MICAL3: variants seen among roughly 807,000 people sequenced by gnomAD.
MICAL3 encodes microtubule associated monooxygenase, calponin and LIM domain containing 3, also known as [F-actin]-monooxygenase MICAL3.
MICAL3 carries 62 observed loss-of-function variants against 207.4 expected under a neutral mutation model. That is an observed-to-expected ratio of 0.30 (90% CI 0.24 to 0.37). The LOEUF is 0.37. Ranked by LOEUF, MICAL3 falls within the 10% of genes least tolerant of loss-of-function variation. The pLI, the probability that MICAL3 is intolerant of heterozygous loss-of-function variation, is 1.00. For synonymous variants in MICAL3, 1,077 were observed against 1,069.3 expected, an observed-to-expected ratio of 1.01 and a Z score of -0.14; for missense variants, 2,368 against 2,635.6, an observed-to-expected ratio of 0.90 and a Z score of 2.22.
At position 17,821,439 on chromosome 22, in the gene MICAL3, G is replaced by T; in HGVS notation, c.3519C>A (p.Ser1173Arg). Residue 1173 changes from serine (S) to arginine (R), a missense_variant, in exon 25 of 32, where the codon AGC becomes AGA. This residue lies in a region of MICAL3 where 1,770 missense variants were observed against 1,863.2 expected (regional missense o/e 0.95). Coordinates refer to ENST00000441493, the MANE Select transcript of MICAL3 (RefSeq NM_015241.3). ...ESALLFIPVH[S>R]PSTEGPQLPP... is the part of the protein sequence containing the mutation. Reference sequence around the variant, plus strand: ...CCCAAACCCTTACCTCTGTTGAGGGGCTGTGGACTGGAATGAACAGAAGAG... The same window carrying T: ...CCCAAACCCTTACCTCTGTTGAGGGTCTGTGGACTGGAATGAACAGAAGAG... 1 of 1,544,252 alleles carries T rather than the reference G, an allele frequency of 6.5e-7. No homozygotes were observed. The highest frequency in any genetic ancestry group is 1.2e-5 in the South Asian group (1 of 83,270).
intron 19 of MICAL3, among the ~76,000 whole-genome samples, chr22:17,844,047 C>T (rs2542337): frequency 0.19 from 29,635 of 152,030 alleles, 2,979 homozygotes; most frequent in Middle Eastern, 0.27. Context: ...CGGGTTTCAC[C>T]ATGTTAGCCA....
chr22:17,865,044 A>T, intron 18 of MICAL3, 58 bp from the exon 19 acceptor site: 1 of 1,536,680 alleles, frequency 6.5e-7, no homozygotes, highest in South Asian at 1.2e-5. Flanking sequence ...CAAATCCTCA[A>T]ATCCCTAGAG....
intron 25 of MICAL3, among the ~76,000 whole-genome samples, chr22:17,820,292 C>T (rs1414963344): frequency 2.0e-5 from 3 of 152,176 alleles, no homozygotes; most frequent in Non-Finnish European, 2.9e-5. Flanking sequence ...GACCTGCTGT[C>T]ACAGTTGGCT....
chr22:17,818,972 A>G lies in MICAL3; in HGVS notation c.3689T>C (p.Leu1230Pro), dbSNP rs752732269. The stretch of plus-strand genomic sequence containing the variant: ...TGAGACAGGAGTCCTAGCTTCTGGC[A>G]GGGTCACTGGCTGTGATCGGATGGG... ...HSPIRSQPVT[L>P]PEARTPVSPG... Residue 1230 changes from leucine to proline, a missense_variant, in exon 26 of 32, where the codon CTG becomes CCG. Leu to Pro is a moderately conservative substitution (Grantham distance 98). Transcript: ENST00000441493. 6.2e-7 allele frequency: 1 copy of G among 1,607,706 alleles called. No individual in the cohort carries two copies. The highest frequency in any genetic ancestry group is 8.5e-7 in the Non-Finnish European group (1 of 1,177,164).
At chr22:17,843,852 A>ATATT (rs1924332820) in intron 19 of MICAL3, among the ~76,000 whole-genome samples, 1 of 148,800 alleles carries the variant, frequency 6.7e-6, no homozygotes, top group Non-Finnish European at 1.5e-5. Context: ...GTTACCAGAC[A>ATATT]TTTTTTTTTT....
intron 19 of MICAL3, among the ~76,000 whole-genome samples, chr22:17,849,765 G>C (rs892120928): frequency 6.9e-6 from 1 of 144,092 alleles, no homozygotes; most frequent in East Asian, 2.1e-4. Context: ...TGCAACCTCG[G>C]CTCACTGCAA....
chr22:17,933,096 G>A (rs1196179686), intron 1 of MICAL3, among the ~76,000 whole-genome samples: 1 of 152,144 alleles, frequency 6.6e-6, no homozygotes, highest in African/African-American at 2.4e-5. Context: ...TCCAGGACCT[G>A]AACTCGGCTC....
chr22:17,809,856 C>T (rs771427471), intron 28 of MICAL3, among the ~76,000 whole-genome samples: 1 of 151,790 alleles, frequency 6.6e-6, no homozygotes, highest in Non-Finnish European at 1.5e-5. Flanking sequence ...ACAAGGGATT[C>T]GGGAAACTCA....
intron 19 of MICAL3, among the ~76,000 whole-genome samples, chr22:17,846,914 C>T (rs1924687188): frequency 6.6e-6 from 1 of 152,220 alleles, no homozygotes; most frequent in African/African-American, 2.4e-5. Flanking sequence ...CTCTGGGCCG[C>T]ACCTCAGGTT....
intron 1 of MICAL3, among the ~76,000 whole-genome samples, chr22:17,960,498 A>C (rs1934856581): frequency 6.6e-6 from 1 of 152,168 alleles, no homozygotes; most frequent in African/African-American, 2.4e-5. Context: ...ACACATGCGA[A>C]CCCAGCATAT....
At chr22:17,957,708 CA>C (rs374917425) in intron 1 of MICAL3, among the ~76,000 whole-genome samples, 7,322 of 106,260 alleles carry the variant, frequency 0.069, 315 homozygotes, top group African/African-American at 0.17. Flanking sequence ...GAAACTATGT[CA>C]AAAAAAAAAA....
At chr22:17,805,280 A>G (rs1020301199) in intron 29 of MICAL3, among the ~76,000 whole-genome samples, 1 of 152,270 alleles carries the variant, frequency 6.6e-6, no homozygotes, top group African/African-American at 2.4e-5. Flanking sequence ...ACGCAGAAGC[A>G]GGAGAGAAAG....
chr22:17,999,062 G>C (rs554072897), intron 1 of MICAL3, among the ~76,000 whole-genome samples: 4 of 152,308 alleles, frequency 2.6e-5, no homozygotes, highest in Non-Finnish European at 5.9e-5. Context: ...CTCTGCCAAT[G>C]GTCAGGCTTC....
intron 1 of MICAL3, chr22:17,980,976 T>TC (rs754098049): frequency 7.9e-6 from 4 of 503,956 alleles, no homozygotes; most frequent in African/African-American, 5.9e-5. Context: ...TGTCTATTGG[T>TC]CCCCTCCAGA....
At position 17,976,533 on chromosome 22, in the gene MICAL3, ATATG is replaced by A. The variant is rs1343082274; in HGVS notation, c.-75+47744_-75+47747del. Among the ~76,000 whole-genome samples, 18 of 115,540 alleles carry A rather than the reference ATATG, an allele frequency of 1.6e-4. 1 individual carries two copies. Among genetic ancestry groups the A allele is most frequent in the African/African-American group, 5.2e-4 (15 of 28,576 alleles). 75.8% of individuals were successfully genotyped at this position (115,540 alleles called of 152,430 possible). A position where few individuals can be genotyped will look rare whatever the true frequency, so the allele number is the denominator to read the frequency against. On this transcript the variant is annotated intron_variant, in intron 1 of 31. Coordinates refer to ENST00000441493, the MANE Select transcript of MICAL3 (RefSeq NM_015241.3). ...AATATACATGTATATATGTGTATAT[ATATG>A]TGTGTGTGTGTGTGTGTGTGTGTGT...
At chr22:17,922,760 C>T (rs902510533) in intron 1 of MICAL3, among the ~76,000 whole-genome samples, 1 of 152,128 alleles carries the variant, frequency 6.6e-6, no homozygotes, top group Non-Finnish European at 1.5e-5. Flanking sequence ...TGTGCATGCT[C>T]AAACCCAAGC....
intron 19 of MICAL3, among the ~76,000 whole-genome samples, chr22:17,856,608 CTTTTTTTTTT>C (rs57588188): frequency 1.7e-4 from 16 of 94,882 alleles, no homozygotes; most frequent in Admixed American, 2.7e-4. Context: ...AAAATGTTTA[CTTTTTTTTTT>C]TTTTTTTTTT....
intron 1 of MICAL3, among the ~76,000 whole-genome samples, chr22:17,959,774 C>T (rs1934809256): frequency 6.6e-6 from 1 of 151,916 alleles, no homozygotes. Context: ...TCTCCCTGCC[C>T]ATAAGAACAG....
intron 1 of MICAL3, among the ~76,000 whole-genome samples, chr22:17,988,755 C>T (rs1034769255): frequency 1.3e-5 from 2 of 152,142 alleles, no homozygotes; most frequent in African/African-American, 4.8e-5. Context: ...CGCGCCTGGC[C>T]TGGTGTTTAC....
Sources: gnomAD v4.1 joint callset for allele counts (sites outside exome capture counted in the v4.1 genomes callset) on GRCh38, gnomAD v4.1.1 for gene constraint, gnomAD v4.1.1 regional missense constraint, MANE v1.5 for transcripts, NCBI Gene and HGNC (gene_info 2026-07-23, HGNC 2026-07-21) for gene names.